The following SLC4A4 variants were observed in gnomAD, a reference collection of about 807,000 sequenced individuals.
SLC4A4 encodes the protein solute carrier family 4 member 4.
A neutral mutation model predicts 111.5 loss-of-function variants in SLC4A4; 27 were observed. The observed-to-expected ratio is 0.24, with a 90% confidence interval of 0.18 to 0.33. SLC4A4 has a LOEUF of 0.33. Among genes scored for constraint, SLC4A4 ranks in the 10% least tolerant of loss-of-function variants. The probability of loss-of-function intolerance (pLI) is 1.00; values close to 1 mark genes in which losing one functional copy is unlikely to be tolerated. For synonymous variants in SLC4A4, 443 were observed against 463.4 expected (o/e 0.96, Z 0.57); for missense variants, 909 against 1,315.5 (o/e 0.69, Z 4.78).
At chr4:71,422,803 ACT>A (rs1372309585) in intron 7 of SLC4A4, among the ~76,000 whole-genome samples, 1 of 151,992 alleles carries the variant, frequency 6.6e-6, no homozygotes, top group African/African-American at 2.4e-5. Context: ...CATGCTGAAA[ACT>A]CTCAATAAAT....
chr4:71,350,225 C>T (rs983613136), intron 5 of SLC4A4, among the ~76,000 whole-genome samples, 153 bp downstream of exon 5: 2 of 152,026 alleles, frequency 1.3e-5, no homozygotes, highest in African/African-American at 4.8e-5. Flanking sequence ...TGATTTATTG[C>T]AAGAAAATCT....
chr4:71,414,545 C>A (rs1469952116), intron 7 of SLC4A4, among the ~76,000 whole-genome samples: 1 of 152,220 alleles, frequency 6.6e-6, no homozygotes, highest in Non-Finnish European at 1.5e-5. Flanking sequence ...GGTTATTCTA[C>A]CCTTTTACCA....
intron 12 of SLC4A4, among the ~76,000 whole-genome samples, chr4:71,461,189 C>T (rs1316969081): frequency 6.6e-6 from 1 of 152,012 alleles, no homozygotes; most frequent in Non-Finnish European, 1.5e-5. Context: ...CTGTTATAAA[C>T]AAACAAAATT....
intron 3 of SLC4A4, among the ~76,000 whole-genome samples, chr4:71,280,985 G>A (rs893459562): frequency 1.3e-5 from 2 of 151,982 alleles, no homozygotes; most frequent in African/African-American, 4.8e-5. Flanking sequence ...TACAGGAAGT[G>A]GTCACTGCAA....
At chr4:71,479,100 C>T (rs955555150) in intron 14 of SLC4A4, among the ~76,000 whole-genome samples, 4 of 151,640 alleles carry the variant, frequency 2.6e-5, no homozygotes, top group African/African-American at 4.8e-5. Context: ...AAGGGATAGA[C>T]ACTATATTGT....
intron 3 of SLC4A4, among the ~76,000 whole-genome samples, chr4:71,256,156 A>T (rs953746529): frequency 3.9e-5 from 6 of 152,202 alleles, no homozygotes; most frequent in Non-Finnish European, 5.9e-5. Context: ...ACACATGCCA[A>T]TTTTGGAAGA....
At chr4:71,088,849 A>G (rs1016393905) in intron 1 of SLC4A4, among the ~76,000 whole-genome samples, 1 of 151,864 alleles carries the variant, frequency 6.6e-6, no homozygotes, top group Non-Finnish European at 1.5e-5. Context: ...TTTTTCCTTC[A>G]TTTCAACTTT....
intron 3 of SLC4A4, among the ~76,000 whole-genome samples, chr4:71,323,195 A>G (rs1304333139): frequency 6.6e-6 from 1 of 152,038 alleles, no homozygotes; most frequent in Non-Finnish European, 1.5e-5. Context: ...TTTAATGCTA[A>G]TTTTAGAAAA....
chr4:71,565,431 T>G (rs1737381943), intron 24 of SLC4A4, among the ~76,000 whole-genome samples: 2 of 151,878 alleles, frequency 1.3e-5, no homozygotes, highest in Admixed American at 1.3e-4. Context: ...CACCCTGCTC[T>G]GTCTAGTGGA....
chr4:71,288,517 G>C (rs914896784), intron 3 of SLC4A4, among the ~76,000 whole-genome samples: 1 of 152,026 alleles, frequency 6.6e-6, no homozygotes, highest in Non-Finnish European at 1.5e-5. Context: ...TCCTGCCTCA[G>C]CCTCCCTAGT....
chr4:71,147,496 T>A (rs923755733), intron 2 of SLC4A4, among the ~76,000 whole-genome samples: 1 of 152,132 alleles, frequency 6.6e-6, no homozygotes, highest in Admixed American at 6.6e-5. Flanking sequence ...TTTTCCTTCC[T>A]TTCTCCTTGC....
chr4:71,422,634 C>G (rs1722658253), intron 7 of SLC4A4, among the ~76,000 whole-genome samples: 1 of 151,920 alleles, frequency 6.6e-6, no homozygotes, highest in Non-Finnish European at 1.5e-5. Flanking sequence ...AAAAGCTTAT[C>G]CACCGTGATC....
At chr4:71,342,334 T>C (rs1728964756) in intron 4 of SLC4A4, among the ~76,000 whole-genome samples, 1 of 152,220 alleles carries the variant, frequency 6.6e-6, no homozygotes, top group Non-Finnish European at 1.5e-5. Flanking sequence ...TCATTCTTTC[T>C]TTTCCTTCTT....
At chr4:71,510,496 ACTTT>A (rs1201722309) in intron 16 of SLC4A4, among the ~76,000 whole-genome samples, 1 of 151,940 alleles carries the variant, frequency 6.6e-6, no homozygotes, top group Non-Finnish European at 1.5e-5. Context: ...TTATATGATG[ACTTT>A]CTTTGTCTTG....
chr4:71,179,715 T>C (rs1745224342), intron 2 of SLC4A4, among the ~76,000 whole-genome samples: 1 of 152,104 alleles, frequency 6.6e-6, no homozygotes, highest in Non-Finnish European at 1.5e-5. Flanking sequence ...TACAAACAAA[T>C]GGAAGAACAT....
intron 3 of SLC4A4, among the ~76,000 whole-genome samples, chr4:71,329,134 T>C (rs1168844457): frequency 6.6e-6 from 1 of 152,106 alleles, no homozygotes; most frequent in Non-Finnish European, 1.5e-5. Context: ...TGTAGATGTA[T>C]GAGTTTGTTT....
At chr4:71,193,322 G>T (rs566151858) in intron 1 of SLC4A4, among the ~76,000 whole-genome samples, 4 of 152,198 alleles carry the variant, frequency 2.6e-5, no homozygotes, top group Admixed American at 1.3e-4. Flanking sequence ...ACCACGTCCG[G>T]CTAATTTTTT....
At chr4:71,528,706 A>C (rs576382980) in intron 16 of SLC4A4, among the ~76,000 whole-genome samples, 82 of 152,198 alleles carry the variant, frequency 5.4e-4, no homozygotes, top group South Asian at 3.7e-3. Context: ...TCTAAACAGT[A>C]GAGTATTAGA....
intron 3 of SLC4A4, among the ~76,000 whole-genome samples, chr4:71,314,747 A>G (rs899228492): frequency 6.6e-6 from 1 of 151,982 alleles, no homozygotes; most frequent in Admixed American, 6.6e-5. Flanking sequence ...GAGTGGAACA[A>G]CACACACTGG....
Sources: gnomAD v4.1 joint callset for allele counts (sites outside exome capture counted in the v4.1 genomes callset) on GRCh38, gnomAD v4.1.1 for gene constraint, MANE v1.5 for transcripts, NCBI Gene and HGNC (gene_info 2026-07-23, HGNC 2026-07-21) for gene names.